Variants in MINPP1 observed in about 807,000 individuals in gnomAD.
The protein encoded by MINPP1 is multiple inositol-polyphosphate phosphatase 1, also known as multiple inositol polyphosphate phosphatase 1.
In MINPP1, 28 loss-of-function variants were observed where a neutral mutation model predicts 46.1. The ratio of observed to expected loss-of-function variants is 0.61; its 90% CI spans 0.45 to 0.83. MINPP1 has a LOEUF of 0.83. Among genes scored for constraint, MINPP1 ranks in the 40% least tolerant of loss-of-function variants. The pLI, the probability that MINPP1 is intolerant of heterozygous loss-of-function variation, is 0.00. For missense variants in MINPP1, 603 were observed against 610.0 expected, an observed-to-expected ratio of 0.99 and a Z score of 0.12; for synonymous variants, 268 against 249.1, an observed-to-expected ratio of 1.08 and a Z score of -0.72.
intron 4 of MINPP1, among the ~76,000 whole-genome samples, chr10:87,534,834 A>G (rs995736329): frequency 1.3e-5 from 2 of 152,238 alleles, no homozygotes; most frequent in Non-Finnish European, 2.9e-5. Flanking sequence ...TGTGTCAGAG[A>G]TTCTATGGAA....
intron 1 of MINPP1, 143 bp from the exon 2 acceptor site, chr10:87,508,193 T>C (rs746897637): frequency 3.2e-6 from 5 of 1,547,616 alleles, no homozygotes; most frequent in Non-Finnish European, 4.4e-6. Flanking sequence ...CCCCAAGAGT[T>C]TCCTGACCAA....
In MINPP1 at chr10:87,505,115, C is replaced by T; in HGVS notation, c.200C>T (p.Pro67Leu). Residue 67 changes from proline to leucine, a missense_variant, in exon 1 of 5, where the codon CCG becomes CTG. Pro to Leu is a moderately conservative substitution (Grantham distance 98, BLOSUM62 -3). Coordinates refer to ENST00000371996, the MANE Select transcript of MINPP1 (RefSeq NM_004897.5). This position sits in a 1 kb window ranked among gnomAD's most constrained non-coding sequence, Gnocchi z 4.4. ...NPVLLSGPEA[P>L]WRDPELLEGT... ...GTGCTATTGTCGGGCCCCGAGGCTC[C>T]GTGGCGGGACCCTGAGCTGCTGGAG... The T allele has an allele frequency of 6.2e-7, 1 of 1,613,072 alleles. No homozygotes were observed. Among genetic ancestry groups the T allele is most frequent in the Non-Finnish European group, 8.5e-7 (1 of 1,179,732 alleles).
At chr10:87,538,010 G>C (rs1851762495) in intron 4 of MINPP1, among the ~76,000 whole-genome samples, 1 of 151,060 alleles carries the variant, frequency 6.6e-6, no homozygotes, top group Admixed American at 6.6e-5. Flanking sequence ...TCACTGTGTT[G>C]CCCAGGCTGG....
chr10:87,530,628 C>A (rs938214987), intron 4 of MINPP1, among the ~76,000 whole-genome samples: 1 of 152,182 alleles, frequency 6.6e-6, no homozygotes, highest in Admixed American at 6.5e-5. Context: ...AGGTGCCCCC[C>A]CAGTTAGGCT....
chr10:87,549,139 CAGTA>C (rs1290096074), intron 4 of MINPP1, among the ~76,000 whole-genome samples: 1 of 152,064 alleles, frequency 6.6e-6, no homozygotes, highest in Non-Finnish European at 1.5e-5. Context: ...ATATCACTGA[CAGTA>C]AGGCAGTAAA....
At chr10:87,520,539 T>G (rs191386176) in intron 3 of MINPP1, among the ~76,000 whole-genome samples, 473 of 152,284 alleles carry the variant, frequency 3.1e-3, no homozygotes, top group Non-Finnish European at 5.7e-3. Flanking sequence ...AGTAACTCAT[T>G]TTCTATTTGA....
chr10:87,514,861 G>A (rs541592702), intron 3 of MINPP1, among the ~76,000 whole-genome samples: 121 of 152,010 alleles, frequency 8.0e-4, no homozygotes, highest in African/African-American at 2.7e-3. Flanking sequence ...GATTACAGGC[G>A]TGTGCTACCA....
intron 4 of MINPP1, among the ~76,000 whole-genome samples, chr10:87,545,754 A>G (rs73344302): frequency 0.11 from 16,740 of 152,178 alleles, 1,955 homozygotes; most frequent in East Asian, 0.31. Context: ...GTCTGGATAC[A>G]ACCTCAGAAT....
Position 87,552,889 on chromosome 10 carries a change from T to C in MINPP1, c.*411T>C, listed in dbSNP as rs1851984948. ...CTTTACAGATTGTTCTGCAGTTCTC[T>C]CTTCTTTTCCTCAGGTAGGACAGCT... On this transcript the variant is annotated 3_prime_UTR_variant, in exon 5 of 5. Transcript: ENST00000371996. 1 of 176,032 alleles carries C rather than the reference T, an allele frequency of 5.7e-6. No individual in the cohort carries two copies. The highest frequency in any genetic ancestry group is 1.4e-4 in the South Asian group (1 of 6,932). 10.9% of individuals were successfully genotyped at this position (176,032 alleles called of 1,614,324 possible).
At chr10:87,509,070 A>G (rs73344261) in intron 2 of MINPP1, among the ~76,000 whole-genome samples, 11,982 of 152,226 alleles carry the variant, frequency 0.079, 786 homozygotes, top group African/African-American at 0.18. Flanking sequence ...TTACCATCCA[A>G]ACTGGTGGGA....
chr10:87,513,033 C>T (rs1458898685), intron 2 of MINPP1, 91 bp from the exon 3 acceptor site: 4 of 864,026 alleles, frequency 4.6e-6, no homozygotes, highest in Non-Finnish European at 8.0e-6. Flanking sequence ...TTTTATTGAG[C>T]TGTACCACAC....
At chr10:87,543,241 A>G (rs1056223346) in intron 4 of MINPP1, among the ~76,000 whole-genome samples, 2 of 152,210 alleles carry the variant, frequency 1.3e-5, no homozygotes, top group African/African-American at 4.8e-5. Flanking sequence ...GAACTTATAT[A>G]CAAAAGGGAA....
At chr10:87,531,705 C>T (rs937194116) in intron 4 of MINPP1, among the ~76,000 whole-genome samples, 1 of 152,182 alleles carries the variant, frequency 6.6e-6, no homozygotes, top group Non-Finnish European at 1.5e-5. Context: ...AATTCCACAC[C>T]TGACCTCCTG....
intron 3 of MINPP1, among the ~76,000 whole-genome samples, chr10:87,518,108 C>T (rs943148742): frequency 1.3e-5 from 2 of 151,654 alleles, no homozygotes; most frequent in Non-Finnish European, 2.9e-5. Flanking sequence ...TACAGGCACC[C>T]GCCACCACAC....
At chr10:87,537,659 C>T (rs1222744929) in intron 4 of MINPP1, among the ~76,000 whole-genome samples, 2 of 151,728 alleles carry the variant, frequency 1.3e-5, no homozygotes, top group African/African-American at 4.8e-5. Context: ...ACTGATTTTG[C>T]CCCATTATTG....
intron 4 of MINPP1, among the ~76,000 whole-genome samples, chr10:87,540,130 A>C (rs1342789813): frequency 2.0e-5 from 3 of 152,192 alleles, no homozygotes; most frequent in African/African-American, 4.8e-5. Context: ...TGAGCCTCCC[A>C]AAGTGCTGGG....
At chr10:87,533,023 T>C (rs1254219307) in intron 4 of MINPP1, among the ~76,000 whole-genome samples, 1 of 152,044 alleles carries the variant, frequency 6.6e-6, no homozygotes, top group Admixed American at 6.5e-5. Context: ...TTTTTTTAAA[T>C]TTGGAATTAG....
intron 2 of MINPP1, among the ~76,000 whole-genome samples, chr10:87,509,397 T>G (rs1851302515): frequency 6.6e-6 from 1 of 152,180 alleles, no homozygotes; most frequent in Admixed American, 6.5e-5. Flanking sequence ...TGAAATTGAA[T>G]TTTTTCTCTC....
chr10:87,533,482 C>T (rs1851688654), intron 4 of MINPP1, among the ~76,000 whole-genome samples: 1 of 152,138 alleles, frequency 6.6e-6, no homozygotes, highest in South Asian at 2.1e-4. Flanking sequence ...AGATTGAATT[C>T]ACTGAAGAAA....
Sources: allele counts gnomAD v4.1 joint callset (sites outside exome capture counted in the v4.1 genomes callset), GRCh38; gene constraint gnomAD v4.1.1; non-coding constraint Gnocchi (gnomAD v3.1); transcripts MANE v1.5; gene names NCBI Gene and HGNC (gene_info 2026-07-23, HGNC 2026-07-21).